CPA5: variants seen among roughly 807,000 people sequenced by gnomAD.
CPA5 encodes the protein testicular tissue protein Li 32.
Under a neutral mutation model 52.2 loss-of-function variants are expected in CPA5, and 38 were observed. The ratio of observed to expected loss-of-function variants is 0.73; its 90% CI spans 0.56 to 0.95. The LOEUF (loss-of-function observed/expected upper bound fraction) is 0.95, where lower values mean the gene tolerates loss of function less well. Among genes scored for constraint, CPA5 ranks in the 40% least tolerant of loss-of-function variants. The pLI, the probability that CPA5 is intolerant of heterozygous loss-of-function variation, is 0.00. For missense variants in CPA5, 519 were observed against 566.7 expected (o/e 0.92, Z 0.86); for synonymous variants, 198 against 213.7 (o/e 0.93, Z 0.64).
chr7:130,361,645 C>CT (rs1349072098), intron 7 of CPA5, among the ~76,000 whole-genome samples: 1 of 152,192 alleles, frequency 6.6e-6, no homozygotes, highest in African/African-American at 2.4e-5. Context: ...TTAGACAGCC[C>CT]TACAGACATG....
At chr7:130,351,930 T>C (rs1239884920) in intron 5 of CPA5, among the ~76,000 whole-genome samples, 2 of 152,004 alleles carry the variant, frequency 1.3e-5, no homozygotes, top group South Asian at 2.1e-4. Flanking sequence ...TATTCACATG[T>C]GGGTCTTTGT....
At chr7:130,367,655 T>C in intron 11 of CPA5, 84 bp downstream of exon 11, 2 of 1,348,232 alleles carry the variant, frequency 1.5e-6, no homozygotes, top group Non-Finnish European at 2.1e-6. Flanking sequence ...AGGGCTCAGG[T>C]TGTTACTCTG....
chr7:130,356,371 C>CAGAAA (rs573163369), intron 5 of CPA5, among the ~76,000 whole-genome samples: 226 of 152,314 alleles, frequency 1.5e-3, no homozygotes, highest in African/African-American at 4.9e-3. Context: ...AGATGGCTTA[C>CAGAAA]TTCTGAGTTG....
intron 5 of CPA5, among the ~76,000 whole-genome samples, chr7:130,352,503 G>A (rs1395003213): frequency 2.6e-5 from 4 of 151,996 alleles, no homozygotes; most frequent in African/African-American, 9.7e-5. Context: ...TGAAGAGCAG[G>A]TGAGGGGGGG....
At chr7:130,363,071 C>A in intron 9 of CPA5, 77 bp downstream of exon 9, 1 of 882,778 alleles carries the variant, frequency 1.1e-6, no homozygotes, top group Non-Finnish European at 1.8e-6. Context: ...GCTTTGGGAA[C>A]CAGCCCCTTC....
At chr7:130,368,872 G>A (rs1250740783), downstream of CPA5, 11 of 456,086 alleles carry the variant, frequency 2.4e-5, no homozygotes, top group Admixed American at 4.0e-5. Context: ...AAAATAAGGG[G>A]GTAGAGGCTG....
chr7:130,374,066 G>C, the CPA5 span, among the ~76,000 whole-genome samples: 1 of 151,918 alleles, frequency 6.6e-6, no homozygotes, highest in Non-Finnish European at 1.5e-5. Context: ...GCGGCTCCCA[G>C]ACCCGGTCCC....
At position 130,363,031 on chromosome 7, in the gene CPA5, G is replaced by A. The variant is rs782628713; in HGVS notation, c.747+37G>A. On this transcript the variant is annotated intron_variant, in intron 9 of 12. Coordinates refer to ENST00000474905, the MANE Select transcript of CPA5 (RefSeq NM_080385.5). ...TGGGAAGGATGGAAGGAGGGGGTCAGCTCTAGGGGGATGGAGAAAAGGTCA... is the reference window on the plus strand; with the variant it reads ...TGGGAAGGATGGAAGGAGGGGGTCAACTCTAGGGGGATGGAGAAAAGGTCA... 3 of 1,264,034 alleles carry A rather than the reference G, an allele frequency of 2.4e-6. No individual in the cohort carries two copies. In the South Asian group the frequency reaches 3.6e-5, roughly 15 times the overall value. 78.3% of individuals were successfully genotyped at this position (1,264,034 alleles called of 1,614,324 possible).
At position 130,361,220 on chromosome 7, in the gene CPA5, A is replaced by G; in HGVS notation, c.510A>G (p.Glu170=). The change falls in exon 7 of 13, where the codon GAA becomes GAG. Residue 170 remains glutamate, a synonymous_variant. Coordinates refer to ENST00000474905, the MANE Select transcript of CPA5 (RefSeq NM_080385.5). ...VSKIQIGNSF[E]NQSILVLKFS... ...AAATTCAGATTGGCAACAGCTTTGA[A>G]AACCAGTCCATTCTTGTCCTGAAGG... 1 of 1,613,592 alleles carries G rather than the reference A, an allele frequency of 6.2e-7. No homozygotes were observed. Among genetic ancestry groups the G allele is most frequent in the Non-Finnish European group, 8.5e-7 (1 of 1,179,488 alleles).
chr7:130,367,341 G>A (rs1207822316), intron 10 of CPA5, 31 bp from the exon 11 acceptor site: 1 of 1,606,032 alleles, frequency 6.2e-7, no homozygotes, highest in East Asian at 2.2e-5. Flanking sequence ...GTGGGGATTT[G>A]ACTCTTTGGG....
chr7:130,347,893 G>A (rs71579248), intron 4 of CPA5, 46 bp downstream of exon 4: 11 of 1,488,794 alleles, frequency 7.4e-6, no homozygotes, highest in Admixed American at 3.5e-5. Flanking sequence ...CCTCCTCAGT[G>A]GCTCACACAT....
At chr7:130,349,502 A>T (rs1465071225) in intron 4 of CPA5, among the ~76,000 whole-genome samples, 1 of 152,220 alleles carries the variant, frequency 6.6e-6, no homozygotes, top group African/African-American at 2.4e-5. Flanking sequence ...TCTAGTATTT[A>T]ATAGCACAAC....
chr7:130,366,922 G>C (rs532253614), intron 10 of CPA5, among the ~76,000 whole-genome samples: 5 of 152,344 alleles, frequency 3.3e-5, no homozygotes, highest in Admixed American at 2.6e-4. Flanking sequence ...CTTCAGAACT[G>C]CAGGGTATGG....
chr7:130,367,345 CTT>C, intron 10 of CPA5, 25 bp from the exon 11 acceptor site: 1 of 1,609,966 alleles, frequency 6.2e-7, no homozygotes, highest in Non-Finnish European at 8.5e-7. Flanking sequence ...GGATTTGACT[CTT>C]TGGGTGGCTT....
At chr7:130,349,829 TG>T in intron 4 of CPA5, 145 bp from the exon 5 acceptor site, 1 of 849,894 alleles carries the variant, frequency 1.2e-6, no homozygotes, top group South Asian at 1.8e-5. Context: ...TGAGGGGCTT[TG>T]GGACATCACA....
chr7:130,368,298 T>G, intron 12 of CPA5, 112 bp from the exon 13 acceptor site: 1 of 1,011,992 alleles, frequency 9.9e-7, no homozygotes, highest in Non-Finnish European at 1.5e-6. Context: ...TGGCCTGGGG[T>G]GGGTGGGGGT....
In CPA5 at chr7:130,362,924, T is replaced by C. The variant is rs1795873134; in HGVS notation, c.677T>C (p.Ile226Thr). 1.2e-6 allele frequency: 2 copies of C among 1,613,642 alleles called. No individual in the cohort carries two copies. Among genetic ancestry groups the C allele is most frequent in the South Asian group, 2.2e-5 (2 of 91,062 alleles). ...GGCAAAGACCGTGTCCTGACAGACA[T>C]ACTGAATGCCATGGACATCTTCATA... ...DYGKDRVLTD[I>T]LNAMDIFIEL... is the part of the protein sequence containing the mutation. The change falls in exon 9 of 13, where the codon ATA becomes ACA. Residue 226 changes from isoleucine to threonine, a missense_variant. Physicochemically the swap from Ile to Thr is moderately conservative, Grantham distance 89. Transcript: ENST00000474905.
the CPA5 span, among the ~76,000 whole-genome samples, chr7:130,374,388 C>T: frequency 1.3e-5 from 2 of 152,142 alleles, no homozygotes; most frequent in African/African-American, 4.8e-5. Flanking sequence ...TCGTCCCTTA[C>T]CAGGCTCTTG....
chr7:130,368,935 A>G (rs1387497253), downstream of CPA5, among the ~76,000 whole-genome samples: 2 of 152,124 alleles, frequency 1.3e-5, no homozygotes, highest in African/African-American at 2.4e-5. Flanking sequence ...GAAGGCACAC[A>G]TTGTCCCAGC....
Sources: gnomAD v4.1 joint callset for allele counts (sites outside exome capture counted in the v4.1 genomes callset) on GRCh38, gnomAD v4.1.1 for gene constraint, MANE v1.5 for transcripts, NCBI Gene and HGNC (gene_info 2026-07-23, HGNC 2026-07-21) for gene names.